The following NLK variants were observed in gnomAD, a reference collection of about 807,000 sequenced individuals.
The protein encoded by NLK is nemo like kinase, also known as serine/threonine-protein kinase NLK.
Under a neutral mutation model 59.0 loss-of-function variants are expected in NLK, and 11 were observed. The ratio of observed to expected loss-of-function variants is 0.19; its 90% confidence interval spans 0.12 to 0.31. The LOEUF (loss-of-function observed/expected upper bound fraction) is 0.31. Among genes scored for constraint, NLK ranks in the 10% least tolerant of loss-of-function variants. The pLI is 1.00. For missense variants in NLK, 410 were observed against 661.1 expected (o/e 0.62, Z 4.16); for synonymous variants, 235 against 235.9 (o/e 1.00, Z 0.03).
At chr17:28,165,668 G>T (rs1908194435) in intron 5 of NLK, among the ~76,000 whole-genome samples, 1 of 152,054 alleles carries the variant, frequency 6.6e-6, no homozygotes, top group South Asian at 2.1e-4. Flanking sequence ...AATTTTTTTA[G>T]TTATCTGATC....
chr17:28,192,648 A>G (rs1020928516), intron 10 of NLK, among the ~76,000 whole-genome samples: 1 of 152,054 alleles, frequency 6.6e-6, no homozygotes, highest in Non-Finnish European at 1.5e-5. Flanking sequence ...AGCCTAGGCA[A>G]CAAGAGCGAA....
chr17:28,199,009 AC>A (rs1248179309), downstream of NLK, among the ~76,000 whole-genome samples: 1 of 152,214 alleles, frequency 6.6e-6, no homozygotes, highest in Non-Finnish European at 1.5e-5. Flanking sequence ...TTGTGGAAAC[AC>A]ATATAAAATG....
chr17:28,184,508 C>A (rs958752653), intron 7 of NLK, among the ~76,000 whole-genome samples: 10 of 152,102 alleles, frequency 6.6e-5, no homozygotes, highest in African/African-American at 2.4e-4. Context: ...TGGAAGCCTC[C>A]CGTGTACGCA....
chr17:28,087,797 A>T (rs1417078699), intron 1 of NLK, among the ~76,000 whole-genome samples: 1 of 152,170 alleles, frequency 6.6e-6, no homozygotes, highest in Admixed American at 6.5e-5. Flanking sequence ...AGCTTGGATG[A>T]TTTCTAAGAT....
chr17:28,129,328 C>A (rs896808708), intron 2 of NLK, among the ~76,000 whole-genome samples: 25 of 152,066 alleles, frequency 1.6e-4, no homozygotes, highest in Non-Finnish European at 4.4e-5. Flanking sequence ...TGGCGCATGC[C>A]CGTAGTCCCA....
intron 1 of NLK, among the ~76,000 whole-genome samples, chr17:28,093,347 GCTGAT>G (rs1904577555): frequency 6.6e-6 from 1 of 152,074 alleles, no homozygotes; most frequent in Non-Finnish European, 1.5e-5. Context: ...CCTAAAGTAG[GCTGAT>G]CTATATATAA....
intron 3 of NLK, among the ~76,000 whole-genome samples, chr17:28,160,237 T>C (rs542030818): frequency 6.6e-6 from 1 of 152,088 alleles, no homozygotes; most frequent in Non-Finnish European, 1.5e-5. Flanking sequence ...TTGGAAAAAA[T>C]GTCTCGAGGA....
chr17:28,113,665 T>C (rs1369927653), intron 1 of NLK, among the ~76,000 whole-genome samples: 1 of 152,206 alleles, frequency 6.6e-6, no homozygotes, highest in Non-Finnish European at 1.5e-5. Context: ...CAACCTGTTT[T>C]ACCAGCACGG....
chr17:28,111,483 T>C (rs1905476058), intron 1 of NLK, among the ~76,000 whole-genome samples: 2 of 151,958 alleles, frequency 1.3e-5, no homozygotes, highest in African/African-American at 4.8e-5. Context: ...CCAGAAACAG[T>C]TTTTATTGAC....
intron 2 of NLK, among the ~76,000 whole-genome samples, chr17:28,126,016 G>A (rs1906276559): frequency 1.3e-5 from 2 of 152,178 alleles, no homozygotes; most frequent in Admixed American, 6.5e-5. Context: ...CTGTCTTGCT[G>A]TAGAGCCCAT....
At chr17:28,044,596 A>G (rs953903274) in intron 1 of NLK, among the ~76,000 whole-genome samples, 2 of 152,136 alleles carry the variant, frequency 1.3e-5, no homozygotes, top group Non-Finnish European at 2.9e-5. Flanking sequence ...TCAAGGTGGA[A>G]AAGAGTATAG....
intron 1 of NLK, among the ~76,000 whole-genome samples, chr17:28,045,993 T>A (rs750891821): frequency 1.1e-4 from 16 of 152,208 alleles, no homozygotes; most frequent in Non-Finnish European, 1.6e-4. Context: ...AAACATATAT[T>A]CATTTAATGC....
At chr17:28,054,792 G>A (rs1032328789) in intron 1 of NLK, among the ~76,000 whole-genome samples, 2 of 152,206 alleles carry the variant, frequency 1.3e-5, no homozygotes, top group Admixed American at 6.5e-5. Context: ...AAGGCTGGGC[G>A]CATTGGCTCA....
intron 1 of NLK, among the ~76,000 whole-genome samples, chr17:28,121,660 G>A (rs1182874173): frequency 4.0e-5 from 6 of 151,352 alleles, no homozygotes; most frequent in Non-Finnish European, 5.9e-5. Flanking sequence ...CACCACGCCC[G>A]GCTAAATTTT....
downstream of NLK, among the ~76,000 whole-genome samples, chr17:28,199,401 C>A (rs1022013125): frequency 2.0e-5 from 3 of 152,064 alleles, no homozygotes; most frequent in Non-Finnish European, 2.9e-5. Context: ...TGCAGTGGCT[C>A]ACACCTATAA....
chr17:28,163,474 G>T (rs1567733314), intron 4 of NLK, 69 bp from the exon 5 acceptor site: 3 of 910,392 alleles, frequency 3.3e-6, no homozygotes, highest in Non-Finnish European at 3.4e-6. Context: ...TTCTTCCAAG[G>T]TTTTTTTTAA....
At chr17:28,114,209 G>A (rs965708132) in intron 1 of NLK, among the ~76,000 whole-genome samples, 2 of 151,954 alleles carry the variant, frequency 1.3e-5, no homozygotes, top group African/African-American at 2.4e-5. Context: ...CTCTGAATAC[G>A]CTTGCATGTG....
At chr17:28,167,603 A>T (rs1380913589) in intron 5 of NLK, among the ~76,000 whole-genome samples, 1 of 151,190 alleles carries the variant, frequency 6.6e-6, no homozygotes, top group Non-Finnish European at 1.5e-5. Context: ...TTATCCCAGC[A>T]CTTTGGGAGG....
At chr17:28,089,813 G>A (rs1597673941) in intron 1 of NLK, among the ~76,000 whole-genome samples, 1 of 152,106 alleles carries the variant, frequency 6.6e-6, no homozygotes, top group Admixed American at 6.5e-5. Context: ...CTAATGACTA[G>A]TGATCTGCCA....
Sources: allele counts gnomAD v4.1 joint callset (sites outside exome capture counted in the v4.1 genomes callset), GRCh38; gene constraint gnomAD v4.1.1; transcripts MANE v1.5; gene names NCBI Gene and HGNC (gene_info 2026-07-23, HGNC 2026-07-21).